Variants in PREX1 observed in about 807,000 individuals in gnomAD.
PREX1 encodes the protein phosphatidylinositol-3,4,5-trisphosphate dependent Rac exchange factor 1.
Under a neutral mutation model 198.3 loss-of-function variants are expected in PREX1, and 41 were observed. The observed-to-expected ratio is 0.21, with a 90% CI of 0.16 to 0.27. PREX1 has a LOEUF of 0.27. Among genes scored for constraint, PREX1 ranks in the 10% least tolerant of loss-of-function variants. PREX1 has a pLI of 1.00. For synonymous variants in PREX1, 843 were observed against 887.2 expected, an observed-to-expected ratio of 0.95 and a Z score of 0.89; for missense variants, 1,620 against 2,200.7, an observed-to-expected ratio of 0.74 and a Z score of 5.28.
intron 29 of PREX1, 138 bp from the exon 30 acceptor site, chr20:48,640,032 A>G: frequency 8.4e-7 from 1 of 1,190,568 alleles, no homozygotes; most frequent in South Asian, 1.5e-5. Flanking sequence ...ACTCCTGGGC[A>G]TTATCGGGTC....
intron 1 of PREX1, among the ~76,000 whole-genome samples, chr20:48,787,204 G>A (rs140483907): frequency 6.6e-6 from 1 of 152,256 alleles, no homozygotes; most frequent in African/African-American, 2.4e-5. Context: ...GAGGCCTGGG[G>A]AGGATTCTTC....
intron 35 of PREX1, among the ~76,000 whole-genome samples, chr20:48,631,341 C>T (rs947073199): frequency 1.3e-5 from 2 of 152,158 alleles, no homozygotes; most frequent in East Asian, 3.9e-4. Flanking sequence ...AACAGGGAGA[C>T]AAGGAGGGCC....
At chr20:48,664,267 C>T (rs1384954446) in intron 15 of PREX1, among the ~76,000 whole-genome samples, 1 of 151,528 alleles carries the variant, frequency 6.6e-6, no homozygotes, top group Non-Finnish European at 1.5e-5. Context: ...CCCAGCTACT[C>T]GGGAGGCTGA....
At chr20:48,865,298 G>A in the PREX1 span, among the ~76,000 whole-genome samples, 3 of 152,196 alleles carry the variant, frequency 2.0e-5, no homozygotes, top group African/African-American at 7.2e-5. Flanking sequence ...GTAAAATGAA[G>A]TATGTGCAAT....
At chr20:48,682,441 C>A (rs2089757837) in intron 10 of PREX1, among the ~76,000 whole-genome samples, 1 of 152,236 alleles carries the variant, frequency 6.6e-6, no homozygotes, top group Admixed American at 6.5e-5. Context: ...CCATCTCCCC[C>A]AACCAGAATG....
rs190524408 is a variant in PREX1 at position 48,632,196 on chromosome 20, G to A, written c.4526+81C>T. The stretch of plus-strand genomic sequence containing the variant: ...GGCCCACTGCCCATGCTGGGGGTCC[G>A]CCTGGCACCTTCCATGCTAATGCCC... On this transcript the variant is annotated intron_variant, in intron 35 of 39. Transcript: ENST00000371941. 495 of 1,362,980 alleles carry A rather than the reference G, an allele frequency of 3.6e-4. 1 individual carries two copies. In the East Asian group the frequency reaches 9.4e-3, roughly 26 times the overall value. 84.4% of individuals were successfully genotyped at this position (1,362,980 alleles called of 1,614,324 possible).
At chr20:48,729,151 A>G (rs2090022804) in intron 4 of PREX1, among the ~76,000 whole-genome samples, 1 of 151,730 alleles carries the variant, frequency 6.6e-6, no homozygotes, top group Non-Finnish European at 1.5e-5. Context: ...ATCTCGGCTC[A>G]CTGCAACCTC....
At chr20:48,835,833 T>C in the PREX1 span, among the ~76,000 whole-genome samples, 1 of 152,128 alleles carries the variant, frequency 6.6e-6, no homozygotes, top group Non-Finnish European at 1.5e-5. Flanking sequence ...GGAAGTAAAC[T>C]AAGAGCAGGG....
intron 16 of PREX1, among the ~76,000 whole-genome samples, chr20:48,659,440 G>A (rs7261313): frequency 0.17 from 26,557 of 151,830 alleles, 2,418 homozygotes; most frequent in Middle Eastern, 0.29. Context: ...TTACAGTGAG[G>A]GGCATGAAAT....
chr20:48,803,296 C>T (rs375250063), intron 1 of PREX1, among the ~76,000 whole-genome samples: 1 of 152,244 alleles, frequency 6.6e-6, no homozygotes, highest in Admixed American at 6.5e-5. Flanking sequence ...CCCCAAGCAT[C>T]CTTCCTCCCT....
intron 18 of PREX1, chr20:48,656,331 T>C (rs1354199663): frequency 5.1e-6 from 2 of 391,316 alleles, no homozygotes; most frequent in African/African-American, 4.2e-5. Flanking sequence ...AGAGCCACCT[T>C]TGCCCCTGAC....
chr20:48,843,429 T>C, the PREX1 span, among the ~76,000 whole-genome samples: 5 of 152,194 alleles, frequency 3.3e-5, no homozygotes, highest in African/African-American at 1.2e-4. Context: ...CAAGGTTAAC[T>C]GGAGCCCCAG....
intron 15 of PREX1, among the ~76,000 whole-genome samples, chr20:48,662,664 C>A (rs1172209394): frequency 6.6e-6 from 1 of 152,258 alleles, no homozygotes; most frequent in Non-Finnish European, 1.5e-5. Context: ...TTCGAGGCGC[C>A]TCAAAAGGTG....
intron 5 of PREX1, among the ~76,000 whole-genome samples, chr20:48,719,339 G>A (rs756481176): frequency 2.6e-5 from 4 of 152,204 alleles, no homozygotes; most frequent in Admixed American, 6.5e-5. Flanking sequence ...GGTGTCCCGA[G>A]GTTAGTGCTC....
intron 5 of PREX1, among the ~76,000 whole-genome samples, chr20:48,710,989 G>A (rs2089928144): frequency 6.6e-6 from 1 of 152,246 alleles, no homozygotes; most frequent in South Asian, 2.1e-4. Flanking sequence ...CAAGAGCCAT[G>A]GGGAGGTGAT....
chr20:48,769,566 C>CAACTCCT (rs1158711380), intron 1 of PREX1, among the ~76,000 whole-genome samples: 3 of 152,176 alleles, frequency 2.0e-5, no homozygotes, highest in African/African-American at 7.2e-5. Flanking sequence ...TCACCTCCTA[C>CAACTCCT]GCAACTCCCT....
At chr20:48,822,752 G>A (rs1600536980) in intron 1 of PREX1, among the ~76,000 whole-genome samples, 2 of 152,098 alleles carry the variant, frequency 1.3e-5, no homozygotes, top group Non-Finnish European at 2.9e-5. Flanking sequence ...CCAACCTAAT[G>A]TCACCTTATA....
Position 48,632,273 on chromosome 20 carries a change from A to T in PREX1, c.4526+4T>A, listed in dbSNP as rs749170721. ...TGCCCCCAACGGGGACCCCAGGCGG[A>T]TACCTGAGTTTGCGGTAATACTGCT... On this transcript the variant is annotated splice_donor_region_variant and intron_variant, in intron 35 of 39. Transcript: ENST00000371941. The T allele has an allele frequency of 1.7e-5, 27 of 1,613,710 alleles. No homozygotes were observed. In the Admixed American group the frequency reaches 2.0e-4, roughly 12 times the overall value.
chr20:48,716,149 G>A (rs1568836908), intron 5 of PREX1, among the ~76,000 whole-genome samples: 3 of 152,194 alleles, frequency 2.0e-5, no homozygotes, highest in Admixed American at 6.5e-5. Flanking sequence ...AGCAGCATTA[G>A]CCCCTCCAGG....
Sources: allele counts gnomAD v4.1 joint callset (sites outside exome capture counted in the v4.1 genomes callset), GRCh38; gene constraint gnomAD v4.1.1; transcripts MANE v1.5; gene names NCBI Gene and HGNC (gene_info 2026-07-23, HGNC 2026-07-21).